CPSF6: variants seen among roughly 807,000 people sequenced by gnomAD.
CPSF6 encodes the protein cleavage and polyadenylation specificity factor subunit 6.
A neutral mutation model predicts 56.7 loss-of-function variants in CPSF6; 10 were observed. The observed-to-expected ratio is 0.18, with a 90% CI of 0.11 to 0.30. CPSF6 has a LOEUF of 0.30. CPSF6 is among the 10% of genes least tolerant of loss of function. The pLI is 1.00. For missense variants in CPSF6, 419 were observed against 722.9 expected (o/e 0.58, Z 4.82); for synonymous variants, 248 against 244.8 (o/e 1.01, Z -0.12).
chr12:69,265,589 A>G (rs71454220), intron 9 of CPSF6, among the ~76,000 whole-genome samples: 9,454 of 143,266 alleles, frequency 0.066, 608 homozygotes, highest in South Asian at 0.29. Context: ...TGCCTTTGCT[A>G]TCTGATTACT....
intron 1 of CPSF6, among the ~76,000 whole-genome samples, chr12:69,247,197 T>C (rs1357779573): frequency 6.6e-6 from 1 of 152,178 alleles, no homozygotes; most frequent in Admixed American, 6.6e-5. Context: ...AGCCATACTT[T>C]AAGGGAACTA....
Position 69,270,724 on chromosome 12 carries a change from C to G in CPSF6, c.*1216C>G, listed in dbSNP as rs922342865. 2.6e-5 allele frequency: 4 copies of G among 151,580 alleles called. No individual in the cohort carries two copies. Among genetic ancestry groups the G allele is most frequent in the African/African-American group, 9.7e-5 (4 of 41,370 alleles). The allele number at this position is 151,580 out of a possible 1,614,324, so 9.4% of individuals were successfully genotyped here. A position where few individuals can be genotyped will look rare whatever the true frequency, so the allele number is the denominator to read the frequency against. Reference sequence around the variant, plus strand: ...TAGTTACTTAATCAAAGATTTTTTTCAAACCTGCCTTACATATAGGCCCAC... The same window carrying G: ...TAGTTACTTAATCAAAGATTTTTTTGAAACCTGCCTTACATATAGGCCCAC... On this transcript the variant is annotated 3_prime_UTR_variant, in exon 10 of 10. Coordinates refer to ENST00000435070, the MANE Select transcript of CPSF6 (RefSeq NM_007007.3).
intron 1 of CPSF6, among the ~76,000 whole-genome samples, chr12:69,245,058 G>T (rs930734429): frequency 6.9e-6 from 1 of 144,946 alleles, no homozygotes; most frequent in African/African-American, 2.6e-5. Flanking sequence ...AGGAGTTCGA[G>T]ACCAGCTTGG....
intron 9 of CPSF6, among the ~76,000 whole-genome samples, chr12:69,264,041 T>G (rs1010993990): frequency 8.5e-5 from 13 of 152,104 alleles, no homozygotes; most frequent in African/African-American, 3.1e-4. Context: ...GAATGTTGTA[T>G]TATGTAAATC....
chr12:69,248,888 G>A (rs1352239567), intron 1 of CPSF6, among the ~76,000 whole-genome samples: 2 of 152,030 alleles, frequency 1.3e-5, no homozygotes, highest in African/African-American at 4.8e-5. Context: ...ATTACTTGAG[G>A]TCCCTTTATT....
chr12:69,267,738 AT>A (rs987335527), intron 9 of CPSF6, among the ~76,000 whole-genome samples: 2 of 151,898 alleles, frequency 1.3e-5, no homozygotes, highest in African/African-American at 4.8e-5. Context: ...CTGCTAGACT[AT>A]CCCCCATATT....
chr12:69,266,909 G>T (rs1219895829), intron 9 of CPSF6, among the ~76,000 whole-genome samples: 1 of 152,036 alleles, frequency 6.6e-6, no homozygotes, highest in Non-Finnish European at 1.5e-5. Context: ...AAATGTTTTG[G>T]TAGCAAGAAC....
intron 9 of CPSF6, among the ~76,000 whole-genome samples, chr12:69,266,826 G>T (rs1488307466): frequency 2.6e-5 from 4 of 152,094 alleles, no homozygotes; most frequent in Non-Finnish European, 5.9e-5. Flanking sequence ...AATTATGTAT[G>T]TGTTTTATAG....
intron 1 of CPSF6, among the ~76,000 whole-genome samples, chr12:69,249,165 G>C (rs1359069374): frequency 8.5e-5 from 7 of 82,390 alleles, no homozygotes; most frequent in East Asian, 3.7e-4. Context: ...GGGGGGGGGG[G>C]GGGGCTGAGG....
At chr12:69,249,450 G>A (rs1872118088) in intron 1 of CPSF6, among the ~76,000 whole-genome samples, 2 of 151,492 alleles carry the variant, frequency 1.3e-5, no homozygotes, top group African/African-American at 4.9e-5. Context: ...GGACTATTTT[G>A]GCTAATAGTC....
At position 69,258,086 on chromosome 12, in the gene CPSF6, C is replaced by G; in HGVS notation, c.694+181C>G. The G allele has an allele frequency of 6.5e-7, 1 of 1,536,910 alleles. No individual in the cohort carries two copies. Among genetic ancestry groups the G allele is most frequent in the East Asian group, 2.4e-5 (1 of 40,914 alleles). ...GGAACTCGGCCTTTGTTCCTGGAAACTAGGATTCCATGGCATATGGGGCAC... is the reference window on the plus strand; with the variant it reads ...GGAACTCGGCCTTTGTTCCTGGAAAGTAGGATTCCATGGCATATGGGGCAC... On this transcript the variant is annotated intron_variant, in intron 5 of 9. Coordinates refer to ENST00000435070, the MANE Select transcript of CPSF6 (RefSeq NM_007007.3). The surrounding 1 kb of genome is among the most constrained non-coding windows in gnomAD (Gnocchi z 4.2).
At position 69,258,556 on chromosome 12, in the gene CPSF6, G is replaced by T. The variant is rs1565648000; in HGVS notation, c.695-34G>T. ...AGTTAAAATATCTTATTAGTGAAGT[G>T]TTTTTTTTTCTCTCTTTCTCCTTTG... On this transcript the variant is annotated intron_variant, in intron 5 of 9. Coordinates refer to ENST00000435070, the MANE Select transcript of CPSF6 (RefSeq NM_007007.3). The surrounding 1 kb of genome is among the most constrained non-coding windows in gnomAD (Gnocchi z 4.2). The T allele has an allele frequency of 2.7e-6, 4 of 1,461,068 alleles. No homozygotes were observed. The highest frequency in any genetic ancestry group is 2.9e-5 in the African/African-American group (2 of 68,978). The allele number at this position is 1,461,068 out of a possible 1,614,324, so 90.5% of individuals were successfully genotyped here.
Position 69,258,379 on chromosome 12 carries a change from A to G in CPSF6, c.695-211A>G, listed in dbSNP as rs370325676. ...TTTTTTTATTAAAGTTTTCGTTTCA[A>G]TAATTTTTCTTAAGCATAAATTGAG... On this transcript the variant is annotated intron_variant, in intron 5 of 9. Coordinates refer to ENST00000435070, the MANE Select transcript of CPSF6 (RefSeq NM_007007.3). This position sits in a 1 kb window ranked among gnomAD's most constrained non-coding sequence, Gnocchi z 4.2. Among the ~76,000 whole-genome samples, 11 of 152,322 alleles carry G rather than the reference A, an allele frequency of 7.2e-5. No individual in the cohort carries two copies. Among genetic ancestry groups the G allele is most frequent in the South Asian group, 6.2e-4 (3 of 4,830 alleles).
Position 69,262,559 on chromosome 12 carries a change from G to A in CPSF6, c.1656G>A (p.Ter552=). 1 of 1,610,068 alleles carries A rather than the reference G, an allele frequency of 6.2e-7. No homozygotes were observed. Among genetic ancestry groups the A allele is most frequent in the South Asian group, 1.1e-5 (1 of 90,730 alleles). The change falls in exon 9 of 10, where the codon TAG becomes TAA. Residue 552 remains the stop codon, a stop_retained_variant. Transcript: ENST00000435070. The stretch of plus-strand genomic sequence containing the variant: ...GAGAGCGCGAATATCGTCATCGTTA[G>A]AAGGTGGGTATTCCTTGTTCCCTGT... ...RDREREYRHR[*]
At chr12:69,250,416 C>T (rs1872172632) in intron 1 of CPSF6, among the ~76,000 whole-genome samples, 2 of 151,494 alleles carry the variant, frequency 1.3e-5, no homozygotes, top group East Asian at 3.9e-4. Context: ...TCCAAAAGAA[C>T]TTATTTTTTA....
chr12:69,262,109 T>C (rs750762424), intron 8 of CPSF6, among the ~76,000 whole-genome samples: 8 of 107,150 alleles, frequency 7.5e-5, no homozygotes, highest in Non-Finnish European at 1.4e-4. Context: ...ACATCTGTTT[T>C]AGGCTACTAG....
At position 69,271,670 on chromosome 12, in the gene CPSF6, TGTC is replaced by T. The variant is rs1873249678; in HGVS notation, c.*2163_*2165del. 1 of 151,744 alleles carries T rather than the reference TGTC, an allele frequency of 6.6e-6. No homozygotes were observed. Among genetic ancestry groups the T allele is most frequent in the Non-Finnish European group, 1.5e-5 (1 of 67,680 alleles). 9.4% of individuals were successfully genotyped at this position (151,744 alleles called of 1,614,324 possible). A position where few individuals can be genotyped will look rare whatever the true frequency, so the allele number is the denominator to read the frequency against. On this transcript the variant is annotated 3_prime_UTR_variant, in exon 10 of 10. Transcript: ENST00000435070. Reference sequence around the variant, plus strand: ...GCTGCTAATCCGTTATTTTAAGTGTTGTCAGAAGGAAATAACTTCTTGGTTTGA... The same window carrying T: ...GCTGCTAATCCGTTATTTTAAGTGTTAGAAGGAAATAACTTCTTGGTTTGA...
chr12:69,266,650 T>A (rs1369732056), intron 9 of CPSF6, among the ~76,000 whole-genome samples: 1 of 152,188 alleles, frequency 6.6e-6, no homozygotes. Context: ...AGGGTGCCAT[T>A]TATGCTATCC....
chr12:69,251,487 T>C (rs1172255456), intron 2 of CPSF6, 149 bp downstream of exon 2: 2 of 534,746 alleles, frequency 3.7e-6, no homozygotes, highest in Non-Finnish European at 6.4e-6. Flanking sequence ...GAAATACAAA[T>C]ATCTTTGCAA....
Sources: allele counts gnomAD v4.1 joint callset (sites outside exome capture counted in the v4.1 genomes callset), GRCh38; gene constraint gnomAD v4.1.1; non-coding constraint Gnocchi (gnomAD v3.1); transcripts MANE v1.5; gene names NCBI Gene and HGNC (gene_info 2026-07-23, HGNC 2026-07-21).